The following RIMBP2 variants were observed in gnomAD, a reference collection of about 807,000 sequenced individuals.
RIMBP2 encodes RIMS binding protein 2.
Under a neutral mutation model 118.6 loss-of-function variants are expected in RIMBP2, and 48 were observed. The ratio of observed to expected loss-of-function variants is 0.40; its 90% confidence interval spans 0.32 to 0.51. The LOEUF is 0.51. Ranked by LOEUF, RIMBP2 falls within the 20% of genes least tolerant of loss-of-function variation. The pLI is 0.41. For missense variants in RIMBP2, 1,551 were observed against 1,768.3 expected (o/e 0.88, Z 2.20); for synonymous variants, 762 against 742.9 (o/e 1.03, Z -0.42).
At chr12:130,603,338 C>T (rs796816402) in intron 2 of RIMBP2, among the ~76,000 whole-genome samples, 3 of 152,178 alleles carry the variant, frequency 2.0e-5, no homozygotes, top group Admixed American at 6.5e-5. Flanking sequence ...GAAGTGAGCA[C>T]ATCCTATAAC....
intron 16 of RIMBP2, among the ~76,000 whole-genome samples, chr12:130,423,841 T>A (rs1378677635): frequency 6.6e-6 from 1 of 152,026 alleles, no homozygotes; most frequent in African/African-American, 2.4e-5. Context: ...TTTCAGATAA[T>A]CACACTTCAG....
At chr12:130,636,262 G>A (rs1256350366) in intron 1 of RIMBP2, among the ~76,000 whole-genome samples, 1 of 152,130 alleles carries the variant, frequency 6.6e-6, no homozygotes, top group Non-Finnish European at 1.5e-5. Context: ...CCTTTCATCT[G>A]TGTTCTCATG....
chr12:130,409,135 G>A (rs969962093), intron 19 of RIMBP2, among the ~76,000 whole-genome samples: 7 of 152,012 alleles, frequency 4.6e-5, no homozygotes, highest in African/African-American at 9.7e-5. Context: ...TTACATACAC[G>A]AAGGCTCACT....
intron 4 of RIMBP2, among the ~76,000 whole-genome samples, chr12:130,484,287 G>A (rs2082297821): frequency 6.6e-6 from 1 of 152,166 alleles, no homozygotes; most frequent in Non-Finnish European, 1.5e-5. Context: ...ATGCCCTGCT[G>A]TAACACCCTG....
intron 1 of RIMBP2, among the ~76,000 whole-genome samples, chr12:130,645,952 C>G (rs2062855462): frequency 6.6e-6 from 1 of 152,138 alleles, no homozygotes; most frequent in Non-Finnish European, 1.5e-5. Context: ...GTTTGCACTC[C>G]TATGCTTTTA....
At position 130,621,433 on chromosome 12, in the gene RIMBP2, C is replaced by T. The variant is rs753887052; in HGVS notation, c.-217+6889G>A. 9.9e-5 allele frequency among the ~76,000 whole-genome samples: 15 copies of T among 152,178 alleles called. No individual in the cohort carries two copies. The highest frequency in any genetic ancestry group is 1.9e-4 in the East Asian group (1 of 5,182). On this transcript the variant is annotated intron_variant, in intron 2 of 22. Transcript: ENST00000690449. The surrounding 1 kb of genome is among the most constrained non-coding windows in gnomAD (Gnocchi z 6.6). ...AAAAGGATGGAGATTCCCAAAACAT[C>T]GGCAGAGTTCCTGGACGTAGCCGTT... is the stretch of plus-strand genomic sequence containing the variant.
intron 1 of RIMBP2, among the ~76,000 whole-genome samples, chr12:130,701,506 GC>G (rs2065852083): frequency 6.6e-6 from 1 of 152,178 alleles, no homozygotes; most frequent in South Asian, 2.1e-4. Context: ...GCGGAGAGCA[GC>G]CCAGGGGAGC....
intron 2 of RIMBP2, among the ~76,000 whole-genome samples, chr12:130,613,054 C>T (rs2060657619): frequency 6.6e-6 from 1 of 152,222 alleles, no homozygotes; most frequent in African/African-American, 2.4e-5. Flanking sequence ...CCTTGATATA[C>T]ATTTCCCAGC....
At chr12:130,508,708 T>C (rs902419990) in intron 3 of RIMBP2, among the ~76,000 whole-genome samples, 17 of 152,180 alleles carry the variant, frequency 1.1e-4, no homozygotes, top group Admixed American at 2.6e-4. Flanking sequence ...CTGCTCCTCA[T>C]TGGAACAGAA....
intron 1 of RIMBP2, among the ~76,000 whole-genome samples, chr12:130,701,256 C>A (rs1367496877): frequency 6.6e-6 from 1 of 152,158 alleles, no homozygotes; most frequent in Non-Finnish European, 1.5e-5. Flanking sequence ...ACGCTGTAAG[C>A]CCCCCTAACA....
chr12:130,532,840 C>T (rs946826951), intron 2 of RIMBP2, among the ~76,000 whole-genome samples: 6 of 150,300 alleles, frequency 4.0e-5, no homozygotes, highest in Admixed American at 1.3e-4. Flanking sequence ...TAATGAGATG[C>T]GTGTGTTTAG....
chr12:130,531,928 C>T (rs993592689), intron 2 of RIMBP2, among the ~76,000 whole-genome samples: 5 of 146,344 alleles, frequency 3.4e-5, no homozygotes, highest in East Asian at 2.0e-4. Flanking sequence ...TAATGAGATG[C>T]GTATGTTTAG....
chr12:130,553,285 CT>C (rs2056009940), intron 2 of RIMBP2, among the ~76,000 whole-genome samples: 2 of 152,228 alleles, frequency 1.3e-5, no homozygotes, highest in East Asian at 3.9e-4. Flanking sequence ...ATAACACATA[CT>C]ATTATTATAA....
chr12:130,405,459 C>T (rs986910372), intron 21 of RIMBP2, among the ~76,000 whole-genome samples: 8 of 152,264 alleles, frequency 5.3e-5, no homozygotes, highest in Middle Eastern at 3.4e-3. Context: ...GGTGGGGACC[C>T]CCACTGGGCT....
chr12:130,581,027 C>T lies in RIMBP2; in HGVS notation c.-217+47295G>A, dbSNP rs2058448007. 6.6e-6 allele frequency among the ~76,000 whole-genome samples: 1 copy of T among 151,986 alleles called. No individual in the cohort carries two copies. Among genetic ancestry groups the T allele is most frequent in the South Asian group, 2.1e-4 (1 of 4,822 alleles). On this transcript the variant is annotated intron_variant, in intron 2 of 22. Coordinates refer to ENST00000690449, the MANE Select transcript of RIMBP2 (RefSeq NM_001393629.1). This position sits in a 1 kb window ranked among gnomAD's most constrained non-coding sequence, Gnocchi z 4.4. ...ATCTTGGCTCCAGCTTTTTTCAGTG[C>T]CACCCACACACTGTGCACTGAGGCA... is the stretch of plus-strand genomic sequence containing the variant.
intron 1 of RIMBP2, chr12:130,667,498 G>A (rs1368840336): frequency 6.6e-6 from 1 of 152,344 alleles, no homozygotes; most frequent in Non-Finnish European, 1.5e-5. Flanking sequence ...AGCGGCATGG[G>A]AGGAGAGCAA....
At chr12:130,494,630 C>A (rs1290139682) in intron 4 of RIMBP2, among the ~76,000 whole-genome samples, 2 of 131,816 alleles carry the variant, frequency 1.5e-5, no homozygotes, top group Non-Finnish European at 3.2e-5. Flanking sequence ...CAGAGTGAAA[C>A]CCTGTCTCAA....
At chr12:130,445,999 A>G (rs972934601) in intron 9 of RIMBP2, among the ~76,000 whole-genome samples, 2 of 144,742 alleles carry the variant, frequency 1.4e-5, no homozygotes, top group African/African-American at 2.6e-5. Context: ...GCTCAGAAAA[A>G]CAGACGCATG....
chr12:130,654,682 T>G (rs964962758), intron 1 of RIMBP2, among the ~76,000 whole-genome samples: 4 of 152,260 alleles, frequency 2.6e-5, no homozygotes, highest in Non-Finnish European at 5.9e-5. Flanking sequence ...AGGCCATTTT[T>G]GTATTGCTAT....
Sources: allele counts gnomAD v4.1 joint callset (sites outside exome capture counted in the v4.1 genomes callset), GRCh38; gene constraint gnomAD v4.1.1; non-coding constraint Gnocchi (gnomAD v3.1); transcripts MANE v1.5; gene names NCBI Gene and HGNC (gene_info 2026-07-23, HGNC 2026-07-21).